ZDHHC20: variants seen among roughly 807,000 people sequenced by gnomAD.
ZDHHC20 encodes the protein zDHHC palmitoyltransferase 20, also known as palmitoyltransferase ZDHHC20.
In ZDHHC20, 43 loss-of-function variants were observed where a neutral mutation model predicts 57.8. The ratio of observed to expected loss-of-function variants is 0.74; its 90% CI spans 0.58 to 0.96. The LOEUF is 0.96. Ranked by LOEUF, ZDHHC20 falls within the 40% of genes least tolerant of loss-of-function variation. The pLI is 0.00. For missense variants in ZDHHC20, 391 were observed against 441.1 expected, an observed-to-expected ratio of 0.89 and a Z score of 1.02; for synonymous variants, 157 against 153.0, an observed-to-expected ratio of 1.03 and a Z score of -0.19.
At chr13:21,449,225 A>G (rs1884197387) in intron 1 of ZDHHC20, among the ~76,000 whole-genome samples, 1 of 152,042 alleles carries the variant, frequency 6.6e-6, no homozygotes, top group Non-Finnish European at 1.5e-5. Context: ...AAAAAAATAA[A>G]TTAAAAAAAA....
At chr13:21,449,824 G>T (rs1165309675) in intron 1 of ZDHHC20, among the ~76,000 whole-genome samples, 2 of 151,894 alleles carry the variant, frequency 1.3e-5, no homozygotes, top group Non-Finnish European at 2.9e-5. Flanking sequence ...TAGAGATGGG[G>T]TTTTGCCACG....
chr13:21,448,488 G>A (rs1474851206), intron 1 of ZDHHC20, among the ~76,000 whole-genome samples: 3 of 100,912 alleles, frequency 3.0e-5, no homozygotes, highest in Non-Finnish European at 4.8e-5. Context: ...CCCGCCGCCC[G>A]GCCAGCCGCC....
chr13:21,426,950 T>C (rs1256910756), intron 1 of ZDHHC20, among the ~76,000 whole-genome samples: 4 of 152,088 alleles, frequency 2.6e-5, no homozygotes, highest in Non-Finnish European at 5.9e-5. Flanking sequence ...TCTGGTGTAA[T>C]TATTCTAAAC....
intron 1 of ZDHHC20, among the ~76,000 whole-genome samples, chr13:21,451,247 G>A (rs1443143001): frequency 6.6e-6 from 1 of 152,172 alleles, no homozygotes; most frequent in East Asian, 1.9e-4. Flanking sequence ...TACCACTAAA[G>A]ATTGTGAAAT....
chr13:21,432,804 T>C (rs1376868935), intron 1 of ZDHHC20, among the ~76,000 whole-genome samples: 5 of 152,254 alleles, frequency 3.3e-5, no homozygotes, highest in Non-Finnish European at 7.3e-5. Flanking sequence ...ACTTTGTATA[T>C]GGTACAGGTA....
chr13:21,459,038 CG>C lies in ZDHHC20; in HGVS notation c.118+15del, dbSNP rs573643390. ...GCGGCCCGCGCCCCGCCGCAGTCCC[CG>C]GGGACGGTACTCACACACGCAGAGC... On this transcript the variant is annotated intron_variant, in intron 1 of 12. Transcript: ENST00000400590. The C allele has an allele frequency of 1.7e-4, 266 of 1,576,716 alleles. No individual in the cohort carries two copies. In the African/African-American group the frequency reaches 3.3e-3, roughly 19 times the overall value.
chr13:21,437,599 T>G (rs970781756), intron 1 of ZDHHC20, among the ~76,000 whole-genome samples: 10 of 152,278 alleles, frequency 6.6e-5, no homozygotes, highest in Admixed American at 3.3e-4. Context: ...ACCCTAGGGC[T>G]CTGAAGAATT....
chr13:21,381,308 T>C (rs1873366648), intron 11 of ZDHHC20, 126 bp downstream of exon 11: 2 of 827,064 alleles, frequency 2.4e-6, no homozygotes, highest in Non-Finnish European at 3.7e-6. Flanking sequence ...GCCCAGCATA[T>C]ATTTAAAAGT....
intron 4 of ZDHHC20, among the ~76,000 whole-genome samples, chr13:21,406,269 TG>T (rs1233037615): frequency 1.3e-5 from 2 of 152,236 alleles, no homozygotes; most frequent in African/African-American, 4.8e-5. Context: ...TTTCAAATAC[TG>T]TTTAATACTC....
At chr13:21,396,511 C>A (rs1876809363) in intron 7 of ZDHHC20, among the ~76,000 whole-genome samples, 1 of 151,766 alleles carries the variant, frequency 6.6e-6, no homozygotes, top group Admixed American at 6.6e-5. Flanking sequence ...GTGACAAAAA[C>A]AAAAGAAAGC....
intron 1 of ZDHHC20, among the ~76,000 whole-genome samples, chr13:21,426,612 T>C (rs563871152): frequency 1.7e-3 from 254 of 150,824 alleles, no homozygotes; most frequent in Non-Finnish European, 2.1e-3. Flanking sequence ...CTTTTCTTTT[T>C]TTTTTTTTTT....
At chr13:21,425,492 T>C (rs1881146304) in intron 2 of ZDHHC20, among the ~76,000 whole-genome samples, 160 bp downstream of exon 2, 1 of 152,094 alleles carries the variant, frequency 6.6e-6, no homozygotes, top group Non-Finnish European at 1.5e-5. Context: ...GGTCTGGAAA[T>C]AACCCCATTA....
At chr13:21,409,448 G>A (rs1331124947) in intron 4 of ZDHHC20, among the ~76,000 whole-genome samples, 1 of 152,060 alleles carries the variant, frequency 6.6e-6, no homozygotes, top group Non-Finnish European at 1.5e-5. Flanking sequence ...TGGGATCAGT[G>A]GTGATATCCC....
chr13:21,434,370 T>C lies in ZDHHC20; in HGVS notation c.119-8692A>G, dbSNP rs182918238. ...GCCAGTAATATGATTACTTAAAAGTTTGAATAATTTTTTCATATATTCTCT... is the reference window on the plus strand; with the variant it reads ...GCCAGTAATATGATTACTTAAAAGTCTGAATAATTTTTTCATATATTCTCT... On this transcript the variant is annotated intron_variant, in intron 1 of 12. Coordinates refer to ENST00000400590, the MANE Select transcript of ZDHHC20 (RefSeq NM_001330059.2). Among the ~76,000 whole-genome samples the C allele has an allele frequency of 3.3e-3, 502 of 152,356 alleles. 7 individuals carry two copies. Among genetic ancestry groups the C allele is most frequent in the Middle Eastern group, 0.017 (5 of 294 alleles).
rs1199866327 is a variant in ZDHHC20, at chr13:21,372,873, G to A, written c.*3823C>T. ...TTAAACGGGCATAGACTCATTTGCA[G>A]TCATGTACAAATATACCTAATAGCT... On this transcript the variant is annotated 3_prime_UTR_variant, in exon 13 of 13. Transcript: ENST00000400590. 1 of 152,156 alleles carries A rather than the reference G, an allele frequency of 6.6e-6. No individual in the cohort carries two copies. The highest frequency in any genetic ancestry group is 1.9e-4 in the East Asian group (1 of 5,202). 9.4% of individuals were successfully genotyped at this position (152,156 alleles called of 1,614,324 possible).
rs1206008373 is a variant in ZDHHC20 at position 21,375,378 on chromosome 13, AAAGGTGTAAATGAGGAGTG to A, written c.*1299_*1317del. 1 of 334,320 alleles carries A rather than the reference AAAGGTGTAAATGAGGAGTG, an allele frequency of 3.0e-6. No individual in the cohort carries two copies. The highest frequency in any genetic ancestry group is 5.8e-6 in the Non-Finnish European group (1 of 171,176). 20.7% of individuals were successfully genotyped at this position (334,320 alleles called of 1,614,324 possible). On this transcript the variant is annotated 3_prime_UTR_variant, in exon 13 of 13. Coordinates refer to ENST00000400590, the MANE Select transcript of ZDHHC20 (RefSeq NM_001330059.2). ...GTGTGTGTGTGTGTCTGTCTGTCTA[AAAGGTGTAAATGAGGAGTG>A]ACATTTCTACATTGTTTATTCTGTA...
At position 21,459,051 on chromosome 13, in the gene ZDHHC20, C is replaced by CA; in HGVS notation, c.118+2dup. 2 of 1,592,418 alleles carry CA rather than the reference C, an allele frequency of 1.3e-6. No homozygotes were observed. The highest frequency in any genetic ancestry group is 1.7e-6 in the Non-Finnish European group (2 of 1,170,618). On this transcript the variant is annotated splice_region_variant and intron_variant, in intron 1 of 12. Coordinates refer to ENST00000400590, the MANE Select transcript of ZDHHC20 (RefSeq NM_001330059.2). ...CGCCGCAGTCCCCGGGGACGGTACT[C>CA]ACACACGCAGAGCTCCACCACGTAC...
intron 1 of ZDHHC20, among the ~76,000 whole-genome samples, chr13:21,458,213 T>C (rs1240190399): frequency 6.6e-6 from 1 of 152,226 alleles, no homozygotes; most frequent in Admixed American, 6.5e-5. Context: ...TTCAAGCCAG[T>C]AGGTTAAATC....
At chr13:21,387,659 A>G in intron 8 of ZDHHC20, 25 bp from the exon 9 acceptor site, 1 of 1,324,912 alleles carries the variant, frequency 7.5e-7, no homozygotes, top group Non-Finnish European at 9.8e-7. Context: ...TACATATATA[A>G]ACTAATTAAT....
Sources: allele counts gnomAD v4.1 joint callset (sites outside exome capture counted in the v4.1 genomes callset), GRCh38; gene constraint gnomAD v4.1.1; transcripts MANE v1.5; gene names NCBI Gene and HGNC (gene_info 2026-07-23, HGNC 2026-07-21).